The following CYRIA variants were observed in gnomAD, a reference collection of about 807,000 sequenced individuals.
The protein encoded by CYRIA is CYFIP related Rac1 interactor A, also known as CYFIP-related Rac1 interactor A.
A neutral mutation model predicts 43.9 loss-of-function variants in CYRIA; 15 were observed. The observed-to-expected ratio is 0.34, with a 90% CI of 0.23 to 0.53. The LOEUF (loss-of-function observed/expected upper bound fraction) is 0.53. CYRIA is among the 20% of genes least tolerant of loss of function. The pLI is 0.94. For missense variants in CYRIA, 236 were observed against 394.2 expected (o/e 0.60, Z 3.40); for synonymous variants, 117 against 136.0 (o/e 0.86, Z 0.97).
chr2:16,571,120 CCT>C (rs1266722847), intron 3 of CYRIA, among the ~76,000 whole-genome samples: 3 of 152,166 alleles, frequency 2.0e-5, no homozygotes, highest in African/African-American at 7.2e-5. Context: ...TGCCCTGCGA[CCT>C]TGCACACATA....
intron 3 of CYRIA, among the ~76,000 whole-genome samples, chr2:16,585,469 G>C (rs1158857935): frequency 6.6e-6 from 1 of 152,108 alleles, no homozygotes; most frequent in Non-Finnish European, 1.5e-5. Flanking sequence ...AATAAAGTTA[G>C]TCTTATCCAT....
chr2:16,568,770 T>C lies in CYRIA; in HGVS notation c.71-3003A>G, dbSNP rs546411982. 2.6e-5 allele frequency among the ~76,000 whole-genome samples: 4 copies of C among 152,284 alleles called. No individual in the cohort carries two copies. The South Asian group carries it at 6.2e-4, about 24-fold the overall frequency. On this transcript the variant is annotated intron_variant, in intron 3 of 11. Transcript: ENST00000381323. ...GGCTAAGACTATTTGAGTATATTTATAAAATAGTATGGGAAAGAAGAAGGC... is the reference window on the plus strand; with the variant it reads ...GGCTAAGACTATTTGAGTATATTTACAAAATAGTATGGGAAAGAAGAAGGC...
intron 1 of CYRIA, among the ~76,000 whole-genome samples, chr2:16,635,850 T>C (rs1158071073): frequency 1.3e-5 from 2 of 152,240 alleles, no homozygotes; most frequent in Non-Finnish European, 2.9e-5. Flanking sequence ...GCAGGCAACC[T>C]TGCTTTCGAC....
At chr2:16,583,300 T>C (rs1667614761) in intron 3 of CYRIA, among the ~76,000 whole-genome samples, 3 of 152,178 alleles carry the variant, frequency 2.0e-5, no homozygotes. Flanking sequence ...GATCTTCCAC[T>C]CCAAACTTTG....
intron 3 of CYRIA, among the ~76,000 whole-genome samples, chr2:16,575,116 A>G (rs1463889040): frequency 6.6e-6 from 1 of 152,164 alleles, no homozygotes; most frequent in Non-Finnish European, 1.5e-5. Context: ...GATGTGAGAC[A>G]TGGAGTCAAA....
chr2:16,561,238 G>A lies in CYRIA; in HGVS notation c.553C>T (p.Arg185Ter). The change falls in exon 8 of 12, where the codon CGA becomes TGA. Residue 185 changes from arginine to a stop codon, truncating the protein, a stop_gained. Coordinates refer to ENST00000381323, the MANE Select transcript of CYRIA (RefSeq NM_030797.4). LOFTEE classifies it high-confidence loss of function. ...GCTTCTGCATAGAAGAGGGACATTCGATTGGCCATCTCATTATTGACTTCA... is the reference window on the plus strand; with the variant it reads ...GCTTCTGCATAGAAGAGGGACATTCAATTGGCCATCTCATTATTGACTTCA... ...ENEVNNEMANRMSLFYAEATP... is the reference protein window; with the variant it reads ...ENEVNNEMAN 1 of 1,613,590 alleles carries A rather than the reference G, an allele frequency of 6.2e-7. No homozygotes were observed. Among genetic ancestry groups the A allele is most frequent in the African/African-American group, 1.3e-5 (1 of 75,002 alleles).
At chr2:16,624,356 CTTTTTAT>C (rs1267151815) in intron 1 of CYRIA, among the ~76,000 whole-genome samples, 1 of 152,164 alleles carries the variant, frequency 6.6e-6, no homozygotes, top group Non-Finnish European at 1.5e-5. Flanking sequence ...AATGGGAAGT[CTTTTTAT>C]TTTTTATTTT....
At chr2:16,625,541 G>A (rs1014030659) in intron 1 of CYRIA, among the ~76,000 whole-genome samples, 5 of 152,182 alleles carry the variant, frequency 3.3e-5, no homozygotes, top group Non-Finnish European at 5.9e-5. Flanking sequence ...TTAGGAAACC[G>A]GATTGTGATG....
At chr2:16,607,386 C>T (rs979827010) in intron 2 of CYRIA, among the ~76,000 whole-genome samples, 3 of 152,028 alleles carry the variant, frequency 2.0e-5, no homozygotes, top group South Asian at 4.1e-4. Context: ...GCTGAGTCGA[C>T]GAAGTTAGCC....
intron 2 of CYRIA, among the ~76,000 whole-genome samples, chr2:16,604,334 T>C (rs772618961): frequency 6.6e-6 from 1 of 152,240 alleles, no homozygotes; most frequent in Non-Finnish European, 1.5e-5. Context: ...GCGGCCACTG[T>C]TGTCAGTGAC....
intron 1 of CYRIA, among the ~76,000 whole-genome samples, chr2:16,660,456 C>G (rs957945492): frequency 1.9e-4 from 29 of 152,298 alleles, no homozygotes; most frequent in African/African-American, 6.5e-4. Flanking sequence ...CAATACTTCC[C>G]TCTTCCCTCA....
At chr2:16,619,663 A>G (rs1320325152) in intron 2 of CYRIA, among the ~76,000 whole-genome samples, 1 of 152,150 alleles carries the variant, frequency 6.6e-6, no homozygotes, top group East Asian at 1.9e-4. Flanking sequence ...GTCAGAGAAA[A>G]GATCAATTCA....
chr2:16,587,942 C>T (rs1026053801), intron 3 of CYRIA, 108 bp downstream of exon 3: 3 of 695,924 alleles, frequency 4.3e-6, no homozygotes, highest in Non-Finnish European at 7.3e-6. Context: ...ATACAGTGAC[C>T]TTTGGATTTG....
At chr2:16,657,525 T>A (rs558470362) in intron 1 of CYRIA, among the ~76,000 whole-genome samples, 1 of 151,842 alleles carries the variant, frequency 6.6e-6, no homozygotes, top group East Asian at 1.9e-4. Flanking sequence ...CCAAGCATGG[T>A]CATTTAATTC....
At position 16,576,070 on chromosome 2, in the gene CYRIA, G is replaced by A. The variant is rs182808658; in HGVS notation, c.71-10303C>T. On this transcript the variant is annotated intron_variant, in intron 3 of 11. Transcript: ENST00000381323. ...TTTCTTTTGTAAATTGCCCAATCTC[G>A]GGTATGTCTTTATAAGCAGCATGAA... 1.3e-3 allele frequency among the ~76,000 whole-genome samples: 204 copies of A among 152,020 alleles called. 1 individual carries two copies. The highest frequency in any genetic ancestry group is 2.7e-3 in the African/African-American group (112 of 41,460).
intron 10 of CYRIA, among the ~76,000 whole-genome samples, chr2:16,555,888 G>T (rs1318006022): frequency 1.3e-5 from 2 of 152,136 alleles, no homozygotes; most frequent in Non-Finnish European, 2.9e-5. Context: ...GATGCTAAAT[G>T]CCTGAGTTTC....
At chr2:16,653,526 C>G (rs1226671680) in intron 1 of CYRIA, among the ~76,000 whole-genome samples, 1 of 152,190 alleles carries the variant, frequency 6.6e-6, no homozygotes, top group Non-Finnish European at 1.5e-5. Context: ...AACTTACCAC[C>G]ATCTAACATG....
At chr2:16,584,892 C>T (rs1421569656) in intron 3 of CYRIA, among the ~76,000 whole-genome samples, 1 of 152,094 alleles carries the variant, frequency 6.6e-6, no homozygotes, top group Non-Finnish European at 1.5e-5. Flanking sequence ...CTTCTGTTTC[C>T]CAAAACTAGA....
intron 1 of CYRIA, among the ~76,000 whole-genome samples, chr2:16,639,161 G>A (rs770043867): frequency 1.9e-4 from 29 of 152,330 alleles, no homozygotes; most frequent in Admixed American, 9.1e-4. Flanking sequence ...GCCCAGCAAT[G>A]CACTCTGGTA....
Sources: gnomAD v4.1 joint callset for allele counts (sites outside exome capture counted in the v4.1 genomes callset) on GRCh38, gnomAD v4.1.1 for gene constraint, MANE v1.5 for transcripts, NCBI Gene and HGNC (gene_info 2026-07-23, HGNC 2026-07-21) for gene names.